The following DNAH7 variants were observed in gnomAD, a reference collection of about 807,000 sequenced individuals.
The protein encoded by DNAH7 is dynein axonemal heavy chain 7.
In DNAH7, 397 loss-of-function variants were observed where a neutral mutation model predicts 444.6. The ratio of observed to expected loss-of-function variants is 0.89; its 90% CI spans 0.82 to 0.97. DNAH7 has a LOEUF of 0.97. DNAH7 is among the 50% of genes least tolerant of loss of function. The pLI is 0.00. For missense variants in DNAH7, 4,902 were observed against 4,800.8 expected (o/e 1.02, Z -0.62); for synonymous variants, 1,636 against 1,624.4 (o/e 1.01, Z -0.17).
rs1691868843 is a variant in DNAH7, at chr2:195,971,892, CAAACAAGTTTTAA to C, written c.2058+337_2058+349del. Among the ~76,000 whole-genome samples the C allele has an allele frequency of 2.0e-5, 3 of 152,114 alleles. No homozygotes were observed. The South Asian group carries it at 6.2e-4, about 32-fold the overall frequency. Reference sequence around the variant, plus strand: ...ATTTCATCAAGGGAGCTTTGATATTCAAACAAGTTTTAAAAACCGAAAATAGTACTATAAATTA... The same window carrying C: ...ATTTCATCAAGGGAGCTTTGATATTCAAACCGAAAATAGTACTATAAATTA... On this transcript the variant is annotated intron_variant, in intron 16 of 64. Transcript: ENST00000312428.
chr2:195,888,304 T>C lies in DNAH7; in HGVS notation c.5360A>G (p.Asp1787Gly), dbSNP rs374415212. 141 of 1,611,402 alleles carry C rather than the reference T, an allele frequency of 8.8e-5. No individual in the cohort carries two copies. In the African/African-American group the frequency reaches 1.7e-3, roughly 20 times the overall value. The stretch of plus-strand genomic sequence containing the variant: ...TTCAACCGAAACAGGGACCATTCTG[T>C]CAAATAAGCCCATTATGAATTCCTT... ...IQKEFIMGLF[D>G]RMVPVSVEFI... The change falls in exon 33 of 65, where the codon GAC (aspartate) becomes GGC (glycine). Residue 1787 changes from aspartate to glycine, a missense_variant. Transcript: ENST00000312428.
chr2:195,770,623 C>A (rs115051840), intron 61 of DNAH7, among the ~76,000 whole-genome samples: 186 of 152,258 alleles, frequency 1.2e-3, no homozygotes, highest in African/African-American at 4.0e-3. Context: ...CTCAGAGGGA[C>A]CTGACCCAAC....
intron 58 of DNAH7, among the ~76,000 whole-genome samples, chr2:195,785,884 A>C (rs965352979): frequency 6.6e-6 from 1 of 152,124 alleles, no homozygotes; most frequent in Admixed American, 6.5e-5. Flanking sequence ...TATAGCTCGA[A>C]TACTTCCTCA....
chr2:195,936,406 G>A (rs566346780), intron 20 of DNAH7, among the ~76,000 whole-genome samples, 193 bp downstream of exon 20: 208 of 151,920 alleles, frequency 1.4e-3, no homozygotes, highest in African/African-American at 4.7e-3. Context: ...AAAAGAAAAC[G>A]ATTCCACGGT....
intron 24 of DNAH7, among the ~76,000 whole-genome samples, chr2:195,917,446 G>C (rs1212296457): frequency 6.6e-6 from 1 of 152,174 alleles, no homozygotes; most frequent in Non-Finnish European, 1.5e-5. Context: ...AATCACAGGA[G>C]AAAGAACACA....
At chr2:195,974,983 G>A (rs1323762826) in intron 15 of DNAH7, among the ~76,000 whole-genome samples, 1 of 152,130 alleles carries the variant, frequency 6.6e-6, no homozygotes. Context: ...AGAAAGTTTT[G>A]AATGATTTTT....
intron 35 of DNAH7, among the ~76,000 whole-genome samples, chr2:195,882,586 G>C (rs988677584): frequency 2.6e-5 from 4 of 152,152 alleles, no homozygotes; most frequent in African/African-American, 9.7e-5. Context: ...TTCTTAATAT[G>C]AGATTATTAT....
intron 35 of DNAH7, among the ~76,000 whole-genome samples, 195 bp downstream of exon 35, chr2:195,884,390 A>G (rs930803591): frequency 1.3e-5 from 2 of 152,226 alleles, no homozygotes; most frequent in Admixed American, 1.3e-4. Flanking sequence ...CCATGGCTAT[A>G]CAGAAAGAAA....
At chr2:196,011,916 C>A (rs1041613609) in intron 10 of DNAH7, among the ~76,000 whole-genome samples, 1 of 152,116 alleles carries the variant, frequency 6.6e-6, no homozygotes, top group Non-Finnish European at 1.5e-5. Flanking sequence ...ACTTTCTTCT[C>A]TGTAATTAAT....
chr2:195,936,578 T>C (rs1407292186), intron 20 of DNAH7, 21 bp downstream of exon 20: 3 of 1,535,270 alleles, frequency 2.0e-6, no homozygotes, highest in African/African-American at 2.8e-5. Context: ...TAGTCATGTA[T>C]TCTACATGTA....
chr2:195,992,443 G>A (rs547187731), intron 12 of DNAH7, among the ~76,000 whole-genome samples: 1 of 152,320 alleles, frequency 6.6e-6, no homozygotes, highest in African/African-American at 2.4e-5. Context: ...CATCTGTCTT[G>A]ACCCCACAAC....
At chr2:195,758,426 C>T (rs976834329) in intron 61 of DNAH7, among the ~76,000 whole-genome samples, 3 of 152,106 alleles carry the variant, frequency 2.0e-5, no homozygotes, top group Admixed American at 6.5e-5. Flanking sequence ...ATTTCATTTA[C>T]ATTTTAAAAT....
At chr2:196,002,001 G>A (rs931685026) in intron 10 of DNAH7, 143 bp from the exon 11 acceptor site, 1 of 563,530 alleles carries the variant, frequency 1.8e-6, no homozygotes, top group South Asian at 5.2e-5. Context: ...TCTCCGAAAT[G>A]TAAGTGTTAA....
chr2:195,924,105 T>C (rs1478770498), intron 22 of DNAH7, among the ~76,000 whole-genome samples: 1 of 152,288 alleles, frequency 6.6e-6, no homozygotes, highest in African/African-American at 2.4e-5. Context: ...CCACTCTCCA[T>C]GGCAATATGG....
chr2:195,948,589 A>G (rs1689988742), intron 19 of DNAH7, among the ~76,000 whole-genome samples: 1 of 152,184 alleles, frequency 6.6e-6, no homozygotes, highest in African/African-American at 2.4e-5. Flanking sequence ...TTTGTCAAAG[A>G]TCAGATGGTT....
intron 15 of DNAH7, among the ~76,000 whole-genome samples, chr2:195,982,555 A>G (rs1434300141): frequency 6.6e-6 from 1 of 152,248 alleles, no homozygotes; most frequent in Non-Finnish European, 1.5e-5. Context: ...CACTATTCAC[A>G]ATACCCAAGA....
chr2:196,068,824 C>G lies in DNAH7; in HGVS notation c.-113G>C. The G allele has an allele frequency of 7.3e-7, 1 of 1,371,692 alleles. No individual in the cohort carries two copies. 85.0% of individuals were successfully genotyped at this position (1,371,692 alleles called of 1,614,324 possible). ...CTTGCAGCGGTCTCAGCTCCCTCCG[C>G]ACCAGAGCCGTCTAGCGTCCGGGCA... On this transcript the variant is annotated 5_prime_UTR_variant, in exon 1 of 65. Coordinates refer to ENST00000312428, the MANE Select transcript of DNAH7 (RefSeq NM_018897.3).
At chr2:195,839,257 T>C (rs1698546207) in intron 47 of DNAH7, among the ~76,000 whole-genome samples, 5 of 151,636 alleles carry the variant, frequency 3.3e-5, no homozygotes, top group Admixed American at 2.6e-4. Context: ...ATTAAAAAAA[T>C]ATATTTCTGA....
intron 29 of DNAH7, among the ~76,000 whole-genome samples, chr2:195,895,670 C>T (rs60758691): frequency 0.011 from 1,676 of 152,252 alleles, 35 homozygotes; most frequent in East Asian, 0.067. Context: ...CAAAAAGTTT[C>T]CTGTAACCTT....
Sources: gnomAD v4.1 joint callset for allele counts (sites outside exome capture counted in the v4.1 genomes callset) on GRCh38, gnomAD v4.1.1 for gene constraint, MANE v1.5 for transcripts, NCBI Gene and HGNC (gene_info 2026-07-23, HGNC 2026-07-21) for gene names.